Variants in HECW1 observed in about 807,000 individuals in gnomAD.
HECW1 encodes HECT, C2 and WW domain containing E3 ubiquitin protein ligase 1.
HECW1 carries 61 observed loss-of-function variants against 182.3 expected under a neutral mutation model. That is an observed-to-expected ratio of 0.33 (90% CI 0.27 to 0.41). The LOEUF (loss-of-function observed/expected upper bound fraction) is 0.41, where lower values mean the gene tolerates loss of function less well. Ranked by LOEUF, HECW1 falls within the 10% of genes least tolerant of loss-of-function variation. The probability of loss-of-function intolerance (pLI) is 1.00; values close to 1 mark genes in which losing one functional copy is unlikely to be tolerated. For synonymous variants in HECW1, 859 were observed against 832.6 expected, an observed-to-expected ratio of 1.03 and a Z score of -0.55; for missense variants, 1,739 against 2,108.9, an observed-to-expected ratio of 0.82 and a Z score of 3.44.
At position 43,541,208 on chromosome 7, in the gene HECW1, G is replaced by A; in HGVS notation, c.4065G>A (p.Gln1355=). ...GRILGLALIH[Q]YLLDAFFTRP... ...TCCTGGGTCTGGCTCTGATCCATCAGTACCTTCTTGACGCTTTCTTCACGA... is the reference window on the plus strand; with the variant it reads ...TCCTGGGTCTGGCTCTGATCCATCAATACCTTCTTGACGCTTTCTTCACGA... Residue 1355 remains glutamine, a synonymous_variant, in exon 25 of 30, where the codon CAG becomes CAA. Coordinates refer to ENST00000395891, the MANE Select transcript of HECW1 (RefSeq NM_015052.5). 1 of 1,614,202 alleles carries A rather than the reference G, an allele frequency of 6.2e-7. No individual in the cohort carries two copies. The highest frequency in any genetic ancestry group is 8.5e-7 in the Non-Finnish European group (1 of 1,180,034).
chr7:43,525,541 A>G (rs1225407757), intron 24 of HECW1, among the ~76,000 whole-genome samples: 4 of 152,256 alleles, frequency 2.6e-5, no homozygotes, highest in Non-Finnish European at 5.9e-5. Flanking sequence ...TAAACCACCT[A>G]GCATCAGTTA....
chr7:43,495,623 T>C (rs2079089924), intron 19 of HECW1, among the ~76,000 whole-genome samples: 1 of 152,182 alleles, frequency 6.6e-6, no homozygotes, highest in Non-Finnish European at 1.5e-5. Flanking sequence ...TTAGAGTGAA[T>C]GAAAGATCTT....
At chr7:43,273,836 C>T (rs964861123) in intron 3 of HECW1, among the ~76,000 whole-genome samples, 5 of 150,096 alleles carry the variant, frequency 3.3e-5, no homozygotes, top group African/African-American at 1.2e-4. Context: ...TAATATATGA[C>T]AGAAGTTGTA....
At chr7:43,543,977 G>A (rs2081462383) in intron 26 of HECW1, among the ~76,000 whole-genome samples, 2 of 152,068 alleles carry the variant, frequency 1.3e-5, no homozygotes, top group African/African-American at 4.8e-5. Flanking sequence ...CAACTGGGTA[G>A]CCATCTGTAA....
intron 2 of HECW1, among the ~76,000 whole-genome samples, chr7:43,237,599 T>G (rs1798493807): frequency 6.6e-6 from 1 of 152,190 alleles, no homozygotes. Context: ...TAGATTATTG[T>G]GAGGATCAAA....
chr7:43,164,337 G>A (rs1790865270), intron 2 of HECW1, among the ~76,000 whole-genome samples: 1 of 152,222 alleles, frequency 6.6e-6, no homozygotes, highest in African/African-American at 2.4e-5. Context: ...CTAATAAAAA[G>A]TGCATGACCA....
At chr7:43,266,796 A>T (rs968006260) in intron 3 of HECW1, among the ~76,000 whole-genome samples, 21 of 152,232 alleles carry the variant, frequency 1.4e-4, no homozygotes, top group African/African-American at 5.1e-4. Flanking sequence ...TACAAAATTC[A>T]TCTATATTCT....
chr7:43,486,079 A>C (rs1490965874), intron 17 of HECW1, among the ~76,000 whole-genome samples: 2 of 151,426 alleles, frequency 1.3e-5, no homozygotes, highest in Admixed American at 1.3e-4. Flanking sequence ...TCATTGTTCA[A>C]CTCCCACTTA....
chr7:43,371,540 T>C (rs1184368792), intron 6 of HECW1, among the ~76,000 whole-genome samples: 1 of 152,126 alleles, frequency 6.6e-6, no homozygotes, highest in East Asian at 1.9e-4. Context: ...CCAGGGATGA[T>C]AAGAGAGTGA....
intron 26 of HECW1, among the ~76,000 whole-genome samples, chr7:43,547,656 C>T (rs779937673): frequency 2.6e-4 from 39 of 152,128 alleles, no homozygotes; most frequent in Non-Finnish European, 3.4e-4. Flanking sequence ...TCATGAATTT[C>T]GTTTTCCTTT....
chr7:43,478,847 ATTATC>A (rs1438181553), intron 16 of HECW1, among the ~76,000 whole-genome samples: 20 of 152,270 alleles, frequency 1.3e-4, no homozygotes, highest in African/African-American at 4.8e-4. Context: ...AATTACTAGT[ATTATC>A]TTAACCCAGT....
intron 7 of HECW1, among the ~76,000 whole-genome samples, chr7:43,402,045 G>A (rs2075435130): frequency 6.6e-6 from 1 of 151,840 alleles, no homozygotes; most frequent in South Asian, 2.1e-4. Flanking sequence ...AAACTCCAGG[G>A]GAAGATCATC....
rs527668667 is a variant in HECW1, at chr7:43,355,668, A to G, written c.461-5218A>G. ...TAACTTAACCACAAAGGAAGATAGGAAATATGGAAAAAAGGAAGAGAGCAG... is the reference window on the plus strand; with the variant it reads ...TAACTTAACCACAAAGGAAGATAGGGAATATGGAAAAAAGGAAGAGAGCAG... On this transcript the variant is annotated intron_variant, in intron 5 of 29. Coordinates refer to ENST00000395891, the MANE Select transcript of HECW1 (RefSeq NM_015052.5). Among the ~76,000 whole-genome samples, 12 of 152,246 alleles carry G rather than the reference A, an allele frequency of 7.9e-5. No homozygotes were observed. The South Asian group carries it at 2.5e-3, about 32-fold the overall frequency.
At chr7:43,353,462 C>T (rs1186781834) in intron 5 of HECW1, among the ~76,000 whole-genome samples, 1 of 152,102 alleles carries the variant, frequency 6.6e-6, no homozygotes, top group South Asian at 2.1e-4. Flanking sequence ...GGCAAGATGG[C>T]TTCACTTCCC....
chr7:43,449,424 C>G (rs1251380097), intron 11 of HECW1, among the ~76,000 whole-genome samples: 1 of 152,178 alleles, frequency 6.6e-6, no homozygotes, highest in African/African-American at 2.4e-5. Flanking sequence ...TAAAAGGACC[C>G]TTTGTTCCTG....
chr7:43,400,452 C>T (rs1173737745), intron 7 of HECW1, among the ~76,000 whole-genome samples: 2 of 152,148 alleles, frequency 1.3e-5, no homozygotes, highest in Non-Finnish European at 2.9e-5. Flanking sequence ...AGGTAAACAA[C>T]AGAAATTTTG....
chr7:43,355,815 C>G (rs569514881), intron 5 of HECW1, among the ~76,000 whole-genome samples: 4 of 151,872 alleles, frequency 2.6e-5, no homozygotes, highest in Admixed American at 6.6e-5. Context: ...ATGGTGAAAC[C>G]CTGTCTCTAC....
At chr7:43,368,148 A>C (rs112898979) in intron 6 of HECW1, among the ~76,000 whole-genome samples, 1,613 of 152,342 alleles carry the variant, frequency 0.011, 27 homozygotes, top group African/African-American at 0.037. Context: ...CCCCATGCTC[A>C]TCAAGCCACC....
chr7:43,548,383 G>A (rs957732977), intron 26 of HECW1, among the ~76,000 whole-genome samples: 10 of 152,092 alleles, frequency 6.6e-5, no homozygotes, highest in African/African-American at 2.2e-4. Flanking sequence ...GTGGACCCAT[G>A]CAGTCCAAAC....
Sources: gnomAD v4.1 joint callset for allele counts (sites outside exome capture counted in the v4.1 genomes callset) on GRCh38, gnomAD v4.1.1 for gene constraint, MANE v1.5 for transcripts, NCBI Gene and HGNC (gene_info 2026-07-23, HGNC 2026-07-21) for gene names.